Variants in NMNAT2 observed in about 807,000 individuals in gnomAD.
NMNAT2 encodes nicotinamide nucleotide adenylyltransferase 2.
In NMNAT2, 11 loss-of-function variants were observed where a neutral mutation model predicts 41.6. That is an observed-to-expected ratio of 0.26 (90% CI 0.17 to 0.44). The LOEUF is 0.44. Among genes scored for constraint, NMNAT2 ranks in the 20% least tolerant of loss-of-function variants. The probability of loss-of-function intolerance (pLI) is 1.00; values close to 1 mark genes in which losing one functional copy is unlikely to be tolerated. For missense variants in NMNAT2, 288 were observed against 407.7 expected (o/e 0.71, Z 2.53); for synonymous variants, 148 against 151.2 (o/e 0.98, Z 0.16).
intron 1 of NMNAT2, among the ~76,000 whole-genome samples, chr1:183,376,564 A>G (rs1000126783): frequency 2.0e-5 from 3 of 152,320 alleles, no homozygotes; most frequent in Middle Eastern, 3.4e-3. Context: ...TCATATTGCC[A>G]TGATGCGATG....
chr1:183,286,690 G>C lies in NMNAT2; in HGVS notation c.420C>G (p.Asn140Lys), dbSNP rs201393407. ...QNETPQPIYQ[N>K]SNVATKPTAA... Reference sequence around the variant, plus strand: ...CAGTGGGCTTGGTGGCCACGTTGCTGTTCTGGTAAATGGGCTGGGGGGTCT... The same window carrying C: ...CAGTGGGCTTGGTGGCCACGTTGCTCTTCTGGTAAATGGGCTGGGGGGTCT... Residue 140 changes from asparagine to lysine, a missense_variant, in exon 5 of 11, where the codon AAC becomes AAG. Asn to Lys is a moderately conservative substitution (Grantham distance 94). This residue lies in a region of NMNAT2 where 181 missense variants were observed against 213.7 expected (regional missense o/e 0.85). Coordinates refer to ENST00000287713, the MANE Select transcript of NMNAT2 (RefSeq NM_015039.4). 43 of 1,611,844 alleles carry C rather than the reference G, an allele frequency of 2.7e-5. No homozygotes were observed. The highest frequency in any genetic ancestry group is 8.9e-5 in the East Asian group (4 of 44,836).
intron 1 of NMNAT2, among the ~76,000 whole-genome samples, chr1:183,393,633 G>A (rs373497523): frequency 2.0e-5 from 3 of 152,118 alleles, no homozygotes; most frequent in East Asian, 1.9e-4. Context: ...CTGGCTTACC[G>A]CAACCTCTGC....
At chr1:183,389,810 A>AGGG (rs1557897669) in intron 1 of NMNAT2, among the ~76,000 whole-genome samples, 2 of 85,500 alleles carry the variant, frequency 2.3e-5, no homozygotes, top group Non-Finnish European at 5.2e-5. Flanking sequence ...GAAAGAAAGA[A>AGGG]AGAAAGAAAG....
chr1:183,304,692 C>A (rs1264398499), intron 1 of NMNAT2: 3 of 1,613,974 alleles, frequency 1.9e-6, no homozygotes, highest in Non-Finnish European at 2.5e-6. Flanking sequence ...CAAACACTTC[C>A]CAGAGCCCCT....
intron 1 of NMNAT2, among the ~76,000 whole-genome samples, chr1:183,384,480 A>G (rs1176290294): frequency 6.6e-6 from 1 of 152,196 alleles, no homozygotes; most frequent in Non-Finnish European, 1.5e-5. Flanking sequence ...GATTACAGGC[A>G]TGAGCCACTG....
intron 1 of NMNAT2, among the ~76,000 whole-genome samples, chr1:183,340,779 T>C (rs1662781909): frequency 1.3e-5 from 2 of 152,210 alleles, no homozygotes; most frequent in African/African-American, 2.4e-5. Context: ...GATGACCTGC[T>C]GGATTGCTGG....
At chr1:183,358,753 A>G (rs758530211) in intron 1 of NMNAT2, among the ~76,000 whole-genome samples, 4 of 152,202 alleles carry the variant, frequency 2.6e-5, no homozygotes, top group African/African-American at 9.7e-5. Context: ...AGAATCTCCC[A>G]GCATGCTAAG....
At chr1:183,292,751 T>C in intron 3 of NMNAT2, 39 bp downstream of exon 3, 1 of 1,590,224 alleles carries the variant, frequency 6.3e-7, no homozygotes, top group Non-Finnish European at 8.6e-7. Context: ...CCAGTAAGTC[T>C]CCGGGCCACT....
At chr1:183,336,089 G>A (rs1380504478) in intron 1 of NMNAT2, among the ~76,000 whole-genome samples, 1 of 152,222 alleles carries the variant, frequency 6.6e-6, no homozygotes, top group African/African-American at 2.4e-5. Context: ...GCAACAGGCT[G>A]TAATGTTTTC....
intron 1 of NMNAT2, among the ~76,000 whole-genome samples, chr1:183,389,796 G>A (rs527814406): frequency 7.8e-5 from 5 of 64,492 alleles, no homozygotes; most frequent in African/African-American, 2.5e-4. Context: ...AAGAAAGAAA[G>A]AAAGAAAGAA....
intron 1 of NMNAT2, among the ~76,000 whole-genome samples, chr1:183,316,657 C>A (rs1662258294): frequency 6.6e-6 from 1 of 152,212 alleles, no homozygotes; most frequent in Non-Finnish European, 1.5e-5. Flanking sequence ...GGAGGGCAGG[C>A]ACTGTGTCTC....
At chr1:183,365,810 C>T (rs1663400688) in intron 1 of NMNAT2, among the ~76,000 whole-genome samples, 1 of 152,044 alleles carries the variant, frequency 6.6e-6, no homozygotes, top group African/African-American at 2.4e-5. Context: ...TTGTATAAAC[C>T]CCAGGTATGT....
In NMNAT2 at chr1:183,249,803, T is replaced by A. The variant is rs1660328322; in HGVS notation, c.*2838A>T. 1 of 152,024 alleles carries A rather than the reference T, an allele frequency of 6.6e-6. No individual in the cohort carries two copies. The highest frequency in any genetic ancestry group is 2.4e-5 in the African/African-American group (1 of 41,338). 9.4% of individuals were successfully genotyped at this position (152,024 alleles called of 1,614,324 possible). A position where few individuals can be genotyped will look rare whatever the true frequency, so the allele number is the denominator to read the frequency against. On this transcript the variant is annotated 3_prime_UTR_variant, in exon 11 of 11. Coordinates refer to ENST00000287713, the MANE Select transcript of NMNAT2 (RefSeq NM_015039.4). Reference sequence around the variant, plus strand: ...AAAGAAGATTCACTTTCTTTTTATATTAAATAGGAAACCTGTTTTTAGTAC... The same window carrying A: ...AAAGAAGATTCACTTTCTTTTTATAATAAATAGGAAACCTGTTTTTAGTAC...
chr1:183,326,301 G>A (rs1282949932), intron 1 of NMNAT2, among the ~76,000 whole-genome samples: 7 of 143,172 alleles, frequency 4.9e-5, no homozygotes, highest in East Asian at 2.2e-4. Context: ...GCTTGAACCC[G>A]GGAGGTGGAG....
chr1:183,411,858 G>C (rs1649126542), intron 1 of NMNAT2, among the ~76,000 whole-genome samples: 1 of 152,176 alleles, frequency 6.6e-6, no homozygotes, highest in Admixed American at 6.5e-5. Context: ...TAAATTATGT[G>C]ATCAGGGGAG....
At chr1:183,262,906 G>T (rs1045587121) in intron 8 of NMNAT2, among the ~76,000 whole-genome samples, 2 of 152,210 alleles carry the variant, frequency 1.3e-5, no homozygotes, top group African/African-American at 4.8e-5. Flanking sequence ...GACCTGCTTT[G>T]AGGGCAAGGA....
intron 1 of NMNAT2, among the ~76,000 whole-genome samples, chr1:183,329,653 G>A (rs1233599163): frequency 1.3e-5 from 2 of 152,080 alleles, no homozygotes; most frequent in Non-Finnish European, 2.9e-5. Flanking sequence ...AACAGATACT[G>A]CCCACCCATC....
At chr1:183,365,077 A>C (rs904522832) in intron 1 of NMNAT2, among the ~76,000 whole-genome samples, 6 of 152,206 alleles carry the variant, frequency 3.9e-5, no homozygotes, top group African/African-American at 1.4e-4. Context: ...TGTGTTCTGA[A>C]GATTCCTTAT....
chr1:183,404,025 C>G (rs1648887556), intron 1 of NMNAT2, among the ~76,000 whole-genome samples: 2 of 151,936 alleles, frequency 1.3e-5, no homozygotes, highest in Non-Finnish European at 2.9e-5. Flanking sequence ...CTGCAGCTAC[C>G]CATTAGGACT....
Sources: allele counts gnomAD v4.1 joint callset (sites outside exome capture counted in the v4.1 genomes callset), GRCh38; gene constraint gnomAD v4.1.1; regional missense constraint gnomAD v4.1.1; transcripts MANE v1.5; gene names NCBI Gene and HGNC (gene_info 2026-07-23, HGNC 2026-07-21).